The following BRD10 variants were observed in gnomAD, a reference collection of about 807,000 sequenced individuals.
The protein encoded by BRD10 is bromodomain containing 10, also known as uncharacterized bromodomain-containing protein 10.
At chr9:5,906,963 A>C in the BRD10 span, 35 of 1,599,996 alleles carry the variant, frequency 2.2e-5, no homozygotes, top group African/African-American at 2.7e-5. Flanking sequence ...TCGGGACAGC[A>C]AAGTGTCTCT....
chr9:5,888,541 G>C, the BRD10 span, among the ~76,000 whole-genome samples: 2 of 152,188 alleles, frequency 1.3e-5, no homozygotes, highest in Admixed American at 6.5e-5. Flanking sequence ...TTATAAAGCA[G>C]CAGAGACAAT....
chr9:5,930,393 A>ATATATATATATATATATATATATG, the BRD10 span, among the ~76,000 whole-genome samples: 1 of 142,768 alleles, frequency 7.0e-6, no homozygotes, highest in African/African-American at 2.5e-5. Context: ...ATATATATAT[A>ATATATATATATATATATATATATG]TGACCTTCAA....
the BRD10 span, among the ~76,000 whole-genome samples, chr9:5,983,961 T>TCA: frequency 5.7e-5 from 4 of 69,844 alleles, no homozygotes; most frequent in African/African-American, 2.4e-4. Context: ...TGTATATGCA[T>TCA]TACACACACA....
At chr9:5,937,108 T>C in the BRD10 span, among the ~76,000 whole-genome samples, 1 of 151,562 alleles carries the variant, frequency 6.6e-6, no homozygotes, top group African/African-American at 2.4e-5. Flanking sequence ...CACGTGCCTG[T>C]AGTTCCAACT....
At chr9:5,986,372 A>G in the BRD10 span, among the ~76,000 whole-genome samples, 1 of 152,280 alleles carries the variant, frequency 6.6e-6, no homozygotes, top group East Asian at 1.9e-4. Context: ...CCAGTCTATC[A>G]TTGCTGAGCA....
At chr9:5,993,264 G>A in the BRD10 span, among the ~76,000 whole-genome samples, 51 of 139,820 alleles carry the variant, frequency 3.6e-4, no homozygotes, top group Non-Finnish European at 1.1e-4. Context: ...GCAGTGAGCC[G>A]AGATCTCACC....
the BRD10 span, among the ~76,000 whole-genome samples, chr9:5,988,850 ACTAT>A: frequency 2.6e-5 from 4 of 152,218 alleles, no homozygotes; most frequent in Non-Finnish European, 4.4e-5. Flanking sequence ...TGTATTTCAT[ACTAT>A]CTATTATTGG....
the BRD10 span, chr9:5,923,251 C>A: frequency 6.2e-7 from 1 of 1,613,536 alleles, no homozygotes; most frequent in Non-Finnish European, 8.5e-7. Context: ...AAGGCAATTC[C>A]TTTTTCAACA....
chr9:5,984,149 T>A, the BRD10 span, among the ~76,000 whole-genome samples: 1 of 152,116 alleles, frequency 6.6e-6, no homozygotes, highest in African/African-American at 2.4e-5. Flanking sequence ...TCAGATGGTA[T>A]CATGGATCAA....
chr9:5,976,440 T>G, the BRD10 span, among the ~76,000 whole-genome samples: 1 of 152,218 alleles, frequency 6.6e-6, no homozygotes. Context: ...AATAGGATAC[T>G]GTATCTTAGA....
the BRD10 span, among the ~76,000 whole-genome samples, chr9:5,916,196 G>GTA: frequency 6.6e-6 from 1 of 152,104 alleles, no homozygotes; most frequent in Non-Finnish European, 1.5e-5. Context: ...ATGACTTCAG[G>GTA]TAAACTGTTT....
At chr9:5,888,742 A>G in the BRD10 span, among the ~76,000 whole-genome samples, 1 of 152,192 alleles carries the variant, frequency 6.6e-6, no homozygotes. Context: ...TTGCCGAAGA[A>G]CTCAACGTCG....
At chr9:5,944,742 A>C in the BRD10 span, 1 of 518,070 alleles carries the variant, frequency 1.9e-6, no homozygotes, top group Non-Finnish European at 3.4e-6. Flanking sequence ...AAAAGAAACA[A>C]TGTTTCTATC....
At chr9:5,916,203 GT>G in the BRD10 span, among the ~76,000 whole-genome samples, 1 of 152,134 alleles carries the variant, frequency 6.6e-6, no homozygotes, top group Non-Finnish European at 1.5e-5. Flanking sequence ...CAGGTAAACT[GT>G]TTATCATTTC....
chr9:6,004,778 T>C, the BRD10 span, among the ~76,000 whole-genome samples: 1 of 152,222 alleles, frequency 6.6e-6, no homozygotes, highest in Admixed American at 6.5e-5. Flanking sequence ...AACATCTATA[T>C]ACCTTAGTTG....
At chr9:6,003,583 T>C in the BRD10 span, among the ~76,000 whole-genome samples, 1 of 152,134 alleles carries the variant, frequency 6.6e-6, no homozygotes, top group African/African-American at 2.4e-5. Flanking sequence ...CAAAACTGTA[T>C]TTTTGATACT....
At chr9:6,004,247 T>A in the BRD10 span, among the ~76,000 whole-genome samples, 1 of 152,240 alleles carries the variant, frequency 6.6e-6, no homozygotes, top group Non-Finnish European at 1.5e-5. Flanking sequence ...TGTTCATATA[T>A]CCATTACAGA....
the BRD10 span, among the ~76,000 whole-genome samples, chr9:5,997,137 T>C: frequency 6.6e-6 from 1 of 152,120 alleles, no homozygotes; most frequent in African/African-American, 2.4e-5. Flanking sequence ...CTACCTGAAA[T>C]AACAGGTCTT....
At chr9:5,972,721 T>A in the BRD10 span, among the ~76,000 whole-genome samples, 1 of 152,196 alleles carries the variant, frequency 6.6e-6, no homozygotes. Flanking sequence ...GCTGGCCCCA[T>A]GCTTCCTGTA....
Sources: allele counts gnomAD v4.1 joint callset (sites outside exome capture counted in the v4.1 genomes callset), GRCh38; gene constraint gnomAD v4.1.1; transcripts MANE v1.5; gene names NCBI Gene and HGNC (gene_info 2026-07-23, HGNC 2026-07-21).